ECHDC2: variants seen among roughly 807,000 people sequenced by gnomAD.
ECHDC2 encodes the protein enoyl-CoA hydratase domain-containing protein 2, mitochondrial.
Under a neutral mutation model 40.6 loss-of-function variants are expected in ECHDC2, and 34 were observed. The observed-to-expected ratio is 0.84, with a 90% confidence interval of 0.64 to 1.11. The LOEUF (loss-of-function observed/expected upper bound fraction) is 1.11, where lower values mean the gene tolerates loss of function less well. ECHDC2 is among the 50% of genes most tolerant of loss of function. The pLI is 0.00. For missense variants in ECHDC2, 392 were observed against 400.7 expected (o/e 0.98, Z 0.19); for synonymous variants, 162 against 166.6 (o/e 0.97, Z 0.21).
chr1:52,920,994 C>T lies in ECHDC2; in HGVS notation c.121+559G>A, dbSNP rs560217348. Among the ~76,000 whole-genome samples the T allele has an allele frequency of 2.0e-5, 3 of 152,334 alleles. No individual in the cohort carries two copies. The East Asian group carries it at 5.8e-4, about 29-fold the overall frequency. ...TTCTGCCAGTGACCCGCGAACTTTGCCCCCCACCCCTCGTCCCCGCTCCAT... is the reference window on the plus strand; with the variant it reads ...TTCTGCCAGTGACCCGCGAACTTTGTCCCCCACCCCTCGTCCCCGCTCCAT... On this transcript the variant is annotated intron_variant, in intron 1 of 9. Transcript: ENST00000371522.
rs1270406414 is a variant in ECHDC2 at position 52,906,549 on chromosome 1, G to C, written c.427C>G (p.Leu143Val). Residue 143 changes from leucine (L) to valine (V), a missense_variant, in exon 5 of 10, where the codon CTT becomes GTT. Coordinates refer to ENST00000371522, the MANE Select transcript of ECHDC2 (RefSeq NM_001198961.2). ...DGFALGGGLE[L>V]ALACDLRVAA... ...ACTCGGAGGTCACAGGCCAGGGCAA[G>C]CTCTAGGCCTCCGCCCAAGGCAAAC... 2.5e-6 allele frequency: 4 copies of C among 1,612,450 alleles called. No individual in the cohort carries two copies. The highest frequency in any genetic ancestry group is 2.7e-5 in the African/African-American group (2 of 74,934).
At chr1:52,903,653 A>G (rs563482757) in intron 7 of ECHDC2, among the ~76,000 whole-genome samples, 1 of 151,402 alleles carries the variant, frequency 6.6e-6, no homozygotes, top group South Asian at 2.1e-4. Flanking sequence ...TAATTCTAAC[A>G]CTTTGGGAGG....
chr1:52,907,871 T>C lies in ECHDC2; in HGVS notation c.361A>G (p.Ile121Val), dbSNP rs749202048. Residue 121 changes from isoleucine to valine, a missense_variant, in exon 4 of 10, where the codon ATC (isoleucine) becomes GTC (valine). By Grantham distance (29) the Ile-to-Val change is conservative. Coordinates refer to ENST00000371522, the MANE Select transcript of ECHDC2 (RefSeq NM_001198961.2). Reference protein sequence around the residue: ...VQRLRGLMNDIAAFPAPTIAA... With the variant: ...VQRLRGLMNDVAAFPAPTIAA... ...CACCCCACACCCAGATCCTCACCGA[T>C]GTCATTCATCAGGCCCCGGAGTCGC... The C allele has an allele frequency of 1.3e-6, 2 of 1,563,298 alleles. No individual in the cohort carries two copies. The highest frequency in any genetic ancestry group is 2.3e-5 in the East Asian group (1 of 43,586).
At chr1:52,897,104 C>A (rs1571898262) in intron 9 of ECHDC2, 2 of 424,796 alleles carry the variant, frequency 4.7e-6, no homozygotes, top group Non-Finnish European at 8.6e-6. Context: ...TACAACCAAG[C>A]CCTTGACCTC....
chr1:52,905,118 C>G (rs961257074), intron 5 of ECHDC2, 28 bp from the exon 6 acceptor site: 1 of 1,612,782 alleles, frequency 6.2e-7, no homozygotes, highest in African/African-American at 1.3e-5. Context: ...AGTGAGGCCT[C>G]CCTCCCCCAT....
intron 9 of ECHDC2, 74 bp downstream of exon 9, chr1:52,897,363 C>T (rs1646702429): frequency 6.8e-7 from 1 of 1,467,448 alleles, no homozygotes. Context: ...TAAAATTGGT[C>T]ATGTACCATA....
chr1:52,908,276 G>A (rs560268054), intron 3 of ECHDC2, among the ~76,000 whole-genome samples: 13 of 152,260 alleles, frequency 8.5e-5, no homozygotes, highest in African/African-American at 2.4e-4. Flanking sequence ...TTGGGAGGCC[G>A]AGGCAGGTGC....
rs1347370337 is a variant in ECHDC2, at chr1:52,903,718, T to C, written c.702+928A>G. Among the ~76,000 whole-genome samples the C allele has an allele frequency of 4.6e-5, 7 of 152,072 alleles. No homozygotes were observed. In the East Asian group the frequency reaches 9.7e-4, roughly 21 times the overall value. ...AGTTTAAAACTGCAGTGAGCCATGA[T>C]TGCACCACTGCACTCCAGCCTGGAT... On this transcript the variant is annotated intron_variant, in intron 7 of 9. Coordinates refer to ENST00000371522, the MANE Select transcript of ECHDC2 (RefSeq NM_001198961.2).
At chr1:52,921,343 G>T in intron 1 of ECHDC2, 2 of 1,214,884 alleles carry the variant, frequency 1.6e-6, no homozygotes, top group African/African-American at 1.6e-5. Flanking sequence ...GACCGAGGTT[G>T]CCAGAGGCCC....
At chr1:52,897,533 A>G in intron 8 of ECHDC2, 49 bp from the exon 9 acceptor site, 1 of 1,602,230 alleles carries the variant, frequency 6.2e-7, no homozygotes, top group Non-Finnish European at 8.6e-7. Flanking sequence ...GTCCATCTTC[A>G]CCCACACTGG....
At chr1:52,903,244 T>C (rs1360943007) in intron 7 of ECHDC2, among the ~76,000 whole-genome samples, 1 of 152,018 alleles carries the variant, frequency 6.6e-6, no homozygotes, top group Non-Finnish European at 1.5e-5. Flanking sequence ...TGAGAGGTTA[T>C]TGTTTGAGGA....
intron 1 of ECHDC2, among the ~76,000 whole-genome samples, chr1:52,921,245 G>C (rs1651816498): frequency 6.6e-6 from 1 of 152,194 alleles, no homozygotes; most frequent in Admixed American, 6.5e-5. Context: ...AAACGCTCCT[G>C]GCCTGGGGGC....
chr1:52,917,501 C>T (rs1229262634), intron 1 of ECHDC2: 1 of 452,012 alleles, frequency 2.2e-6, no homozygotes, highest in Non-Finnish European at 4.5e-6. Flanking sequence ...GGAAGAGGAG[C>T]CAAGTCAGGG....
At chr1:52,897,870 G>T (rs898031726) in intron 8 of ECHDC2, 2 of 321,302 alleles carry the variant, frequency 6.2e-6, no homozygotes, top group Non-Finnish European at 1.2e-5. Context: ...CACAGCAAGG[G>T]TTAGTATCCC....
In ECHDC2 at chr1:52,904,688, G is replaced by C. The variant is rs142392528; in HGVS notation, c.660C>G (p.Ala220=). 1.2e-6 allele frequency: 2 copies of C among 1,610,828 alleles called. No homozygotes were observed. The highest frequency in any genetic ancestry group is 2.2e-5 in the East Asian group (1 of 44,864). ...GGGCCAGTGCTCGTGCCCGCTGGTA[G>C]GCGGCGTCCCCCTCCTCGTTCTGGG... ...AVAQNEEGDA[A]YQRARALAQE... Residue 220 remains alanine (A), a synonymous_variant, in exon 7 of 10, where the codon GCC becomes GCG. Coordinates refer to ENST00000371522, the MANE Select transcript of ECHDC2 (RefSeq NM_001198961.2).
chr1:52,910,544 T>C (rs1649211508), intron 3 of ECHDC2, among the ~76,000 whole-genome samples: 1 of 151,766 alleles, frequency 6.6e-6, no homozygotes, highest in Non-Finnish European at 1.5e-5. Context: ...AATTTTTGTA[T>C]TTTTAGTAGA....
At chr1:52,919,572 A>C (rs943153405) in intron 1 of ECHDC2, among the ~76,000 whole-genome samples, 1 of 150,670 alleles carries the variant, frequency 6.6e-6, no homozygotes, top group Non-Finnish European at 1.5e-5. Flanking sequence ...CCCGTTGTTA[A>C]GCAACACATG....
intron 8 of ECHDC2, chr1:52,898,214 TTTTA>T (rs898383005): frequency 3.3e-5 from 5 of 152,374 alleles, no homozygotes; most frequent in East Asian, 1.9e-4. Context: ...GAACATTTTA[TTTTA>T]TTTATTTATT....
chr1:52,906,939 G>GT (rs1183211409), intron 4 of ECHDC2: 16 of 130,156 alleles, frequency 1.2e-4, no homozygotes, highest in Admixed American at 5.8e-4. Context: ...TAATTTTTTT[G>GT]TATTTTTTTT....
Sources: gnomAD v4.1 joint callset for allele counts (sites outside exome capture counted in the v4.1 genomes callset) on GRCh38, gnomAD v4.1.1 for gene constraint, MANE v1.5 for transcripts, NCBI Gene and HGNC (gene_info 2026-07-23, HGNC 2026-07-21) for gene names.